The following MEI1 variants were observed in gnomAD, a reference collection of about 807,000 sequenced individuals.
MEI1 encodes the protein meiosis inhibitor protein 1.
Under a neutral mutation model 146.2 loss-of-function variants are expected in MEI1, and 103 were observed. The ratio of observed to expected loss-of-function variants is 0.70; its 90% CI spans 0.60 to 0.83. The LOEUF (loss-of-function observed/expected upper bound fraction) is 0.83, where lower values mean the gene tolerates loss of function less well. Ranked by LOEUF, MEI1 falls within the 40% of genes least tolerant of loss-of-function variation. MEI1 has a pLI of 0.00. For synonymous variants in MEI1, 652 were observed against 628.2 expected (o/e 1.04, Z -0.57); for missense variants, 1,529 against 1,533.0 (o/e 1.00, Z 0.04).
chr22:41,715,819 G>A (rs2070094587), intron 4 of MEI1, among the ~76,000 whole-genome samples: 1 of 152,052 alleles, frequency 6.6e-6, no homozygotes, highest in African/African-American at 2.4e-5. Context: ...TAACAAACAT[G>A]CACTGAGCTA....
intron 17 of MEI1, among the ~76,000 whole-genome samples, chr22:41,757,543 G>A (rs912446357): frequency 3.3e-5 from 5 of 152,012 alleles, no homozygotes; most frequent in African/African-American, 1.2e-4. Flanking sequence ...TTTTTGTAGG[G>A]ACGGGGTTTC....
At chr22:41,768,068 A>G (rs1413834504) in intron 19 of MEI1, among the ~76,000 whole-genome samples, 1 of 152,156 alleles carries the variant, frequency 6.6e-6, no homozygotes, top group Non-Finnish European at 1.5e-5. Flanking sequence ...GGTAGACTTA[A>G]GTCTTTATTA....
At chr22:41,751,994 C>CG (rs1446436676) in intron 15 of MEI1, among the ~76,000 whole-genome samples, 1 of 151,398 alleles carries the variant, frequency 6.6e-6, no homozygotes, top group African/African-American at 2.4e-5. Flanking sequence ...CACTTGAACC[C>CG]GGGAGGTGGA....
At chr22:41,707,494 T>G (rs1004705990) in intron 3 of MEI1, among the ~76,000 whole-genome samples, 2 of 152,130 alleles carry the variant, frequency 1.3e-5, no homozygotes, top group Non-Finnish European at 2.9e-5. Context: ...AGAATGGCAC[T>G]GCCACTGCCA....
At chr22:41,757,953 A>G (rs1173840412) in intron 17 of MEI1, among the ~76,000 whole-genome samples, 1 of 151,952 alleles carries the variant, frequency 6.6e-6, no homozygotes, top group Non-Finnish European at 1.5e-5. Context: ...CTAAAAATAC[A>G]AAAAATTAGC....
Position 41,699,837 on chromosome 22 carries a change from ACT to A in MEI1, c.174+129_174+130del, listed in dbSNP as rs936642555. 5.4e-5 allele frequency: 65 copies of A among 1,197,954 alleles called. No homozygotes were observed. In the Admixed American group the frequency reaches 6.2e-4, roughly 11 times the overall value. 74.2% of individuals were successfully genotyped at this position (1,197,954 alleles called of 1,614,324 possible). A position where few individuals can be genotyped will look rare whatever the true frequency, so the allele number is the denominator to read the frequency against. On this transcript the variant is annotated intron_variant, in intron 1 of 30. Coordinates refer to ENST00000401548, the MANE Select transcript of MEI1 (RefSeq NM_152513.4). ...GAAACCGGGCCCCCGCGCTGTGTTC[ACT>A]CTCCTCCCTGTCAGCCCGTCCCGGA...
In MEI1 at chr22:41,794,360, G is replaced by GT. The variant is rs1569338815; in HGVS notation, c.3428-8dup. 6.2e-7 allele frequency: 1 copy of GT among 1,611,862 alleles called. No individual in the cohort carries two copies. The highest frequency in any genetic ancestry group is 2.2e-5 in the East Asian group (1 of 44,868). The stretch of plus-strand genomic sequence containing the variant: ...GTCTTGGAAGCATTAACAACCCAGT[G>GT]TTTCTTGAAGCTCTCCACGTGGCCT... On this transcript the variant is annotated splice_polypyrimidine_tract_variant and intron_variant, in intron 27 of 30. Transcript: ENST00000401548.
In MEI1 at chr22:41,732,464, C is replaced by T. The variant is rs200643171; in HGVS notation, c.1197-5C>T. The stretch of plus-strand genomic sequence containing the variant: ...CCTACTCGTTTCTCATCTTCCATTT[C>T]TCAGGCAGCCAGAGGAGATCAAGCT... On this transcript the variant is annotated splice_polypyrimidine_tract_variant and splice_region_variant and intron_variant, in intron 10 of 30. Coordinates refer to ENST00000401548, the MANE Select transcript of MEI1 (RefSeq NM_152513.4). 66 of 1,613,794 alleles carry T rather than the reference C, an allele frequency of 4.1e-5. No individual in the cohort carries two copies. In the Middle Eastern group the frequency reaches 4.9e-4, roughly 12 times the overall value.
chr22:41,781,228 T>A, intron 22 of MEI1, 56 bp from the exon 23 acceptor site: 1 of 1,295,378 alleles, frequency 7.7e-7, no homozygotes, highest in Non-Finnish European at 1.1e-6. Flanking sequence ...GGCTACCACC[T>A]ATGACAAGTG....
chr22:41,761,407 C>T (rs1026223582), intron 18 of MEI1, among the ~76,000 whole-genome samples: 1 of 151,204 alleles, frequency 6.6e-6, no homozygotes, highest in Non-Finnish European at 1.5e-5. Context: ...CTCTGCCTCC[C>T]GGGTTCACGC....
In MEI1 at chr22:41,745,946, G is replaced by T. The variant is rs377078458; in HGVS notation, c.1600G>T (p.Ala534Ser). 4 of 1,613,312 alleles carry T rather than the reference G, an allele frequency of 2.5e-6. No individual in the cohort carries two copies. The highest frequency in any genetic ancestry group is 2.7e-5 in the African/African-American group (2 of 74,898). ...AQENPFTAPSAKKEDTLEAFS... is the reference protein window; with the variant it reads ...AQENPFTAPSSKKEDTLEAFS... ...GGAGAATCCATTCACAGCTCCCAGC[G>T]CCAAGAAGGAAGACACCTTGGAGGC... Residue 534 changes from alanine to serine, a missense_variant, in exon 14 of 31, where the codon GCC becomes TCC. Coordinates refer to ENST00000401548, the MANE Select transcript of MEI1 (RefSeq NM_152513.4).
At chr22:41,761,275 C>T (rs1213340352) in intron 18 of MEI1, among the ~76,000 whole-genome samples, 1 of 150,622 alleles carries the variant, frequency 6.6e-6, no homozygotes, top group African/African-American at 2.4e-5. Context: ...TGTGCCATTG[C>T]ACTCCAGCTT....
chr22:41,772,012 G>A (rs1276614750), intron 20 of MEI1, among the ~76,000 whole-genome samples: 3 of 152,130 alleles, frequency 2.0e-5, no homozygotes, highest in Non-Finnish European at 2.9e-5. Flanking sequence ...TAGAAACACA[G>A]TGTTAGGTGA....
At chr22:41,724,675 C>T (rs2071162145) in intron 7 of MEI1, among the ~76,000 whole-genome samples, 1 of 151,900 alleles carries the variant, frequency 6.6e-6, no homozygotes, top group Non-Finnish European at 1.5e-5. Flanking sequence ...CCTGTAATCC[C>T]AGCTACTCAG....
chr22:41,732,603 G>A lies in MEI1; in HGVS notation c.1331G>A (p.Arg444Lys). The A allele has an allele frequency of 6.2e-7, 1 of 1,612,308 alleles. No individual in the cohort carries two copies. The highest frequency in any genetic ancestry group is 8.5e-7 in the Non-Finnish European group (1 of 1,179,332). ...EALKATSAFL[R>K]KDHQSTPPVQ... ...TTGAAGGCCACTTCTGCTTTTCTGA[G>A]GTGAGAGACCCAGGCAGGCTGAACT... The change falls in exon 11 of 31, where the codon AGG (arginine) becomes AAG (lysine). Residue 444 changes from arginine to lysine, a missense_variant and splice_region_variant. Around this residue, in one of 3 missense-constraint regions of MEI1, gnomAD observed 1,212 missense variants for 1,178.9 expected, o/e 1.03. Transcript: ENST00000401548.
Position 41,770,778 on chromosome 22 carries a change from G to T in MEI1, c.2361G>T (p.Leu787=). 2 of 1,613,938 alleles carry T rather than the reference G, an allele frequency of 1.2e-6. No homozygotes were observed. The highest frequency in any genetic ancestry group is 1.7e-6 in the Non-Finnish European group (2 of 1,179,876). ...THHPLLLRFF[L]LYPELMSRYG... is the part of the protein sequence containing the mutation. ...ATCCGCTCCTGCTCAGGTTCTTTCT[G>T]TTGTATCCAGAGCTCATGAGTAGGT... The change falls in exon 20 of 31, where the codon CTG becomes CTT. Residue 787 remains leucine, a synonymous_variant. Transcript: ENST00000401548.
chr22:41,746,224 T>C (rs2073279720), intron 14 of MEI1, among the ~76,000 whole-genome samples, 198 bp downstream of exon 14: 1 of 152,168 alleles, frequency 6.6e-6, no homozygotes, highest in South Asian at 2.1e-4. Context: ...AGGTTCATCT[T>C]AAGAAAAAAT....
In MEI1 at chr22:41,753,977, A is replaced by G. The variant is rs1412964923; in HGVS notation, c.1882A>G (p.Asn628Asp). 1 of 1,613,528 alleles carries G rather than the reference A, an allele frequency of 6.2e-7. No individual in the cohort carries two copies. The highest frequency in any genetic ancestry group is 1.1e-5 in the South Asian group (1 of 91,056). Reference protein sequence around the residue: ...SHSALNQVCSNFLYYMCLNLL... With the variant: ...SHSALNQVCSDFLYYMCLNLL... ...CTCAGCCCTAAACCAGGTGTGTTCCAATTTCCTCTACTATATGTGCCTCAA... is the reference window on the plus strand; with the variant it reads ...CTCAGCCCTAAACCAGGTGTGTTCCGATTTCCTCTACTATATGTGCCTCAA... Residue 628 changes from asparagine (N) to aspartate (D), a missense_variant, in exon 17 of 31, where the codon AAT becomes GAT. Transcript: ENST00000401548.
At chr22:41,711,600 C>G (rs186531273) in intron 3 of MEI1, among the ~76,000 whole-genome samples, 30 of 152,320 alleles carry the variant, frequency 2.0e-4, no homozygotes, top group Middle Eastern at 6.8e-3. Context: ...GAAGGACTTG[C>G]TCCTTCCTCA....
Sources: allele counts gnomAD v4.1 joint callset (sites outside exome capture counted in the v4.1 genomes callset), GRCh38; gene constraint gnomAD v4.1.1; regional missense constraint gnomAD v4.1.1; transcripts MANE v1.5; gene names NCBI Gene and HGNC (gene_info 2026-07-23, HGNC 2026-07-21).